Variants in TRPC4 observed in about 807,000 individuals in gnomAD.
The protein encoded by TRPC4 is transient receptor potential cation channel subfamily C member 4.
A neutral mutation model predicts 99.4 loss-of-function variants in TRPC4; 49 were observed. The ratio of observed to expected loss-of-function variants is 0.49; its 90% CI spans 0.39 to 0.63. The LOEUF is 0.63. Among genes scored for constraint, TRPC4 ranks in the 20% least tolerant of loss-of-function variants. The pLI, the probability that TRPC4 is intolerant of heterozygous loss-of-function variation, is 0.00. For synonymous variants in TRPC4, 454 were observed against 425.9 expected, an observed-to-expected ratio of 1.07 and a Z score of -0.81; for missense variants, 898 against 1,152.9, an observed-to-expected ratio of 0.78 and a Z score of 3.20.
At chr13:37,811,812 G>A (rs188805449) in intron 1 of TRPC4, among the ~76,000 whole-genome samples, 6 of 152,070 alleles carry the variant, frequency 3.9e-5, no homozygotes, top group Non-Finnish European at 8.8e-5. Flanking sequence ...TGCTTTGGTG[G>A]TAAGAAATAC....
intron 2 of TRPC4, among the ~76,000 whole-genome samples, chr13:37,767,864 A>G (rs1415466354): frequency 4.0e-5 from 6 of 151,464 alleles, no homozygotes; most frequent in Non-Finnish European, 8.9e-5. Flanking sequence ...AAGAAAACAG[A>G]AAAGACTAAG....
intron 4 of TRPC4, among the ~76,000 whole-genome samples, chr13:37,676,294 A>C (rs1953047780): frequency 6.6e-6 from 1 of 151,708 alleles, no homozygotes; most frequent in South Asian, 2.1e-4. Context: ...AAAAAGAGAG[A>C]CATTTTGCAT....
intron 1 of TRPC4, among the ~76,000 whole-genome samples, chr13:37,840,270 G>A (rs1268866419): frequency 6.6e-6 from 1 of 151,952 alleles, no homozygotes; most frequent in Non-Finnish European, 1.5e-5. Flanking sequence ...AATGAGGAGG[G>A]TAATAAAAAA....
intron 4 of TRPC4, among the ~76,000 whole-genome samples, chr13:37,688,014 C>T (rs1953547381): frequency 1.3e-5 from 2 of 152,184 alleles, no homozygotes; most frequent in African/African-American, 4.8e-5. Context: ...ATCACAATGA[C>T]AAGCATCATA....
chr13:37,722,282 C>T (rs2139039728), intron 3 of TRPC4, among the ~76,000 whole-genome samples: 1 of 152,240 alleles, frequency 6.6e-6, no homozygotes, highest in South Asian at 2.1e-4. Context: ...GTGTTCAATG[C>T]TTGGACACAC....
intron 2 of TRPC4, among the ~76,000 whole-genome samples, chr13:37,749,556 T>C (rs987842599): frequency 2.0e-5 from 3 of 152,058 alleles, no homozygotes; most frequent in Non-Finnish European, 4.4e-5. Context: ...GTTTGGGTCC[T>C]CTCCGATTGC....
chr13:37,733,881 CA>C (rs1955315667), intron 3 of TRPC4, among the ~76,000 whole-genome samples: 1 of 151,894 alleles, frequency 6.6e-6, no homozygotes, highest in South Asian at 2.1e-4. Flanking sequence ...ATAAAGGTTG[CA>C]AAGATAATAA....
chr13:37,819,245 T>G (rs531528986), intron 1 of TRPC4, among the ~76,000 whole-genome samples: 176 of 151,966 alleles, frequency 1.2e-3, no homozygotes, highest in African/African-American at 4.0e-3. Context: ...GCAAATTAGT[T>G]CATGCATTGT....
Position 37,636,075 on chromosome 13 carries a change from C to T in TRPC4, c.*828G>A, listed in dbSNP as rs1163186444. On this transcript the variant is annotated 3_prime_UTR_variant, in exon 11 of 11. Coordinates refer to ENST00000379705, the MANE Select transcript of TRPC4 (RefSeq NM_016179.4). ...TCATCTTGCTTGTTTAAGATACTTA[C>T]AATATTATGGTTTATTATTTTTTTA... Among the ~76,000 whole-genome samples, 2 of 151,896 alleles carry T rather than the reference C, an allele frequency of 1.3e-5. No homozygotes were observed. The highest frequency in any genetic ancestry group is 2.9e-5 in the Non-Finnish European group (2 of 67,952).
rs143947426 is a variant in TRPC4 at position 37,774,712 on chromosome 13, C to T, written c.378+8244G>A. On this transcript the variant is annotated intron_variant, in intron 2 of 10. Coordinates refer to ENST00000379705, the MANE Select transcript of TRPC4 (RefSeq NM_016179.4). ...TCGTTCTACTCTATGAGAAAAAGAA[C>T]ATTTAAAATTCTGCATTACCTGTAT... Among the ~76,000 whole-genome samples the T allele has an allele frequency of 3.2e-4, 48 of 151,638 alleles. 1 individual carries two copies. Among genetic ancestry groups the T allele is most frequent in the Admixed American group, 1.8e-3 (27 of 15,162 alleles).
chr13:37,774,826 T>C (rs1956654199), intron 2 of TRPC4, among the ~76,000 whole-genome samples: 1 of 151,780 alleles, frequency 6.6e-6, no homozygotes, highest in African/African-American at 2.4e-5. Context: ...AAAGAAAGGG[T>C]ATGTTGAAAA....
chr13:37,856,412 A>C (rs1194052940), intron 1 of TRPC4, among the ~76,000 whole-genome samples: 1 of 148,834 alleles, frequency 6.7e-6, no homozygotes, highest in African/African-American at 2.4e-5. Flanking sequence ...AAAAAAGCCC[A>C]GGATCTGATG....
At chr13:37,778,868 A>G (rs954779201) in intron 2 of TRPC4, among the ~76,000 whole-genome samples, 3 of 152,048 alleles carry the variant, frequency 2.0e-5, no homozygotes, top group African/African-American at 7.2e-5. Context: ...TCTAACATAA[A>G]ATATACAGCT....
intron 3 of TRPC4, among the ~76,000 whole-genome samples, chr13:37,732,043 T>C (rs577656271): frequency 6.6e-6 from 1 of 152,236 alleles, no homozygotes; most frequent in South Asian, 2.1e-4. Flanking sequence ...GAAAAAACAA[T>C]GTAGCATTAA....
intron 1 of TRPC4, among the ~76,000 whole-genome samples, chr13:37,823,212 T>G (rs1449187676): frequency 1.5e-4 from 22 of 148,440 alleles, no homozygotes; most frequent in African/African-American, 4.7e-4. Context: ...TTTCTCCCAT[T>G]TTGTAGGTTG....
In TRPC4 at chr13:37,787,012, C is replaced by A. The variant is rs1247875352; in HGVS notation, c.-27-3652G>T. On this transcript the variant is annotated intron_variant, in intron 1 of 10. Transcript: ENST00000379705. ...AGTATGAAAACTACAGTTTTCTAAG[C>A]AACATAAAGATATACAACCAAAAAT... Among the ~76,000 whole-genome samples the A allele has an allele frequency of 3.3e-5, 5 of 151,740 alleles. No homozygotes were observed. In the South Asian group the frequency reaches 1.0e-3, roughly 32 times the overall value.
chr13:37,709,247 A>G (rs1198049200), intron 3 of TRPC4, among the ~76,000 whole-genome samples: 1 of 152,014 alleles, frequency 6.6e-6, no homozygotes, highest in East Asian at 1.9e-4. Flanking sequence ...CTAAGAGGTA[A>G]TGATAACTTC....
intron 3 of TRPC4, among the ~76,000 whole-genome samples, chr13:37,696,018 C>T (rs370319901): frequency 1.2e-4 from 18 of 152,268 alleles, no homozygotes; most frequent in African/African-American, 4.3e-4. Context: ...TAAAGACATA[C>T]CCGAAACTGG....
intron 4 of TRPC4, among the ~76,000 whole-genome samples, chr13:37,683,589 C>T (rs1953337437): frequency 6.6e-6 from 1 of 152,044 alleles, no homozygotes; most frequent in African/African-American, 2.4e-5. Flanking sequence ...CAGCCGTGCA[C>T]CCCTCAGGAG....
Sources: gnomAD v4.1 joint callset for allele counts (sites outside exome capture counted in the v4.1 genomes callset) on GRCh38, gnomAD v4.1.1 for gene constraint, MANE v1.5 for transcripts, NCBI Gene and HGNC (gene_info 2026-07-23, HGNC 2026-07-21) for gene names.